The following PROS1 variants were observed in gnomAD, a reference collection of about 807,000 sequenced individuals.
PROS1 encodes the protein protein S, also known as vitamin K-dependent protein S.
A neutral mutation model predicts 75.9 loss-of-function variants in PROS1; 29 were observed. The observed-to-expected ratio is 0.38, with a 90% CI of 0.28 to 0.52. The LOEUF is 0.52. Among genes scored for constraint, PROS1 ranks in the 20% least tolerant of loss-of-function variants. PROS1 has a pLI of 0.83. For missense variants in PROS1, 680 were observed against 810.3 expected, an observed-to-expected ratio of 0.84 and a Z score of 1.95; for synonymous variants, 245 against 280.6, an observed-to-expected ratio of 0.87 and a Z score of 1.27.
intron 6 of PROS1, among the ~76,000 whole-genome samples, chr3:93,901,436 T>A (rs1025134997): frequency 6.6e-6 from 1 of 152,186 alleles, no homozygotes; most frequent in Non-Finnish European, 1.5e-5. Context: ...CAATATGAAT[T>A]TAGTGCTAAA....
rs1389804341 is a variant in PROS1, at chr3:93,927,542, G to C, written c.77-135C>G. The C allele has an allele frequency of 2.8e-6, 3 of 1,083,980 alleles. No individual in the cohort carries two copies. The African/African-American group carries it at 4.8e-5, about 17-fold the overall frequency. 67.1% of individuals were successfully genotyped at this position (1,083,980 alleles called of 1,614,324 possible). On this transcript the variant is annotated intron_variant, in intron 1 of 14. Transcript: ENST00000394236. ...TTTAAAATCAGTATGATCGAACTAAGAAAAAAATGCAGATACAGAAGCACG... is the reference window on the plus strand; with the variant it reads ...TTTAAAATCAGTATGATCGAACTAACAAAAAAATGCAGATACAGAAGCACG...
At chr3:93,973,623 G>A (rs1458168960) in intron 1 of PROS1, 51 bp downstream of exon 1, 1 of 1,583,694 alleles carries the variant, frequency 6.3e-7, no homozygotes, top group Non-Finnish European at 8.7e-7. Flanking sequence ...AGGGCACGCA[G>A]TTCAGTCGAC....
chr3:93,915,716 C>T (rs1018651937), intron 3 of PROS1, among the ~76,000 whole-genome samples: 2 of 152,054 alleles, frequency 1.3e-5, no homozygotes, highest in African/African-American at 4.8e-5. Context: ...ATATTTCTAC[C>T]AACAATCTAA....
chr3:93,954,181 C>G (rs1179284396), intron 1 of PROS1, among the ~76,000 whole-genome samples: 1 of 152,190 alleles, frequency 6.6e-6, no homozygotes, highest in Non-Finnish European at 1.5e-5. Context: ...ATGCCATCCC[C>G]ATCAAGCTAC....
chr3:93,966,365 G>A (rs1194316084), intron 1 of PROS1, among the ~76,000 whole-genome samples: 1 of 152,170 alleles, frequency 6.6e-6, no homozygotes, highest in Non-Finnish European at 1.5e-5. Flanking sequence ...TTGTGTTCCA[G>A]GTGAACATTC....
At chr3:93,968,950 T>C (rs143007153) in intron 1 of PROS1, among the ~76,000 whole-genome samples, 109 of 152,212 alleles carry the variant, frequency 7.2e-4, no homozygotes, top group Admixed American at 2.0e-3. Flanking sequence ...TTCATCTTAT[T>C]GAGCAAACAC....
chr3:93,895,570 AC>A (rs1290894483), intron 9 of PROS1, among the ~76,000 whole-genome samples: 1 of 152,220 alleles, frequency 6.6e-6, no homozygotes, highest in African/African-American at 2.4e-5. Flanking sequence ...TTCTAAACAT[AC>A]ATGCTTATTT....
intron 6 of PROS1, among the ~76,000 whole-genome samples, chr3:93,902,646 G>A (rs980077791): frequency 3.3e-5 from 5 of 151,728 alleles, no homozygotes; most frequent in East Asian, 2.0e-4. Flanking sequence ...CCAGCTACTC[G>A]GGAGGCTGAG....
chr3:93,941,523 A>G (rs774050374), intron 1 of PROS1, among the ~76,000 whole-genome samples: 1 of 152,080 alleles, frequency 6.6e-6, no homozygotes. Context: ...AAACTCACAA[A>G]AGGAAATTTA....
intron 1 of PROS1, among the ~76,000 whole-genome samples, chr3:93,950,463 A>G (rs1709478210): frequency 6.6e-6 from 1 of 152,180 alleles, no homozygotes; most frequent in Non-Finnish European, 1.5e-5. Context: ...TCATACAGCC[A>G]GGTGTCCCTC....
intron 1 of PROS1, among the ~76,000 whole-genome samples, chr3:93,958,036 C>T (rs1171998055): frequency 1.3e-5 from 2 of 151,588 alleles, no homozygotes; most frequent in African/African-American, 4.9e-5. Context: ...TGCAGTGAGC[C>T]GAGATCATGC....
chr3:93,943,522 C>A (rs1709325786), intron 1 of PROS1, among the ~76,000 whole-genome samples: 2 of 152,166 alleles, frequency 1.3e-5, no homozygotes, highest in Non-Finnish European at 1.5e-5. Context: ...TCAGCTAAAT[C>A]TCTCCCACTC....
chr3:93,895,406 C>A (rs559613627), intron 9 of PROS1, among the ~76,000 whole-genome samples: 24 of 152,198 alleles, frequency 1.6e-4, no homozygotes, highest in Middle Eastern at 3.4e-3. Flanking sequence ...AAGGAAAAAA[C>A]CACATATTGG....
At chr3:93,884,548 T>C (rs1184966208) in intron 12 of PROS1, among the ~76,000 whole-genome samples, 180 bp downstream of exon 12, 1 of 152,228 alleles carries the variant, frequency 6.6e-6, no homozygotes, top group East Asian at 1.9e-4. Flanking sequence ...AATGCCTTTA[T>C]ATTTTTCCCA....
chr3:93,884,435 A>G (rs528683534), intron 12 of PROS1, among the ~76,000 whole-genome samples: 23 of 152,368 alleles, frequency 1.5e-4, no homozygotes, highest in African/African-American at 4.8e-4. Flanking sequence ...TAGACTCCAT[A>G]CAAGTGAGAA....
intron 10 of PROS1, among the ~76,000 whole-genome samples, chr3:93,889,834 CAT>C (rs1299405613): frequency 3.3e-5 from 5 of 152,210 alleles, no homozygotes; most frequent in East Asian, 3.9e-4. Context: ...GATTGTAAAA[CAT>C]GTGTGTTTAA....
intron 1 of PROS1, among the ~76,000 whole-genome samples, chr3:93,957,961 G>A (rs888591758): frequency 5.3e-5 from 8 of 152,014 alleles, no homozygotes; most frequent in African/African-American, 1.9e-4. Context: ...AGTGGTGCAT[G>A]CCTGTAGTCC....
At chr3:93,888,312 A>G (rs1279120309) in intron 10 of PROS1, among the ~76,000 whole-genome samples, 1 of 152,206 alleles carries the variant, frequency 6.6e-6, no homozygotes, top group Admixed American at 6.5e-5. Flanking sequence ...CTTCATTTGT[A>G]GCTTTTACTT....
At chr3:93,884,514 G>A (rs1708317959) in intron 12 of PROS1, among the ~76,000 whole-genome samples, 1 of 152,122 alleles carries the variant, frequency 6.6e-6, no homozygotes, top group Non-Finnish European at 1.5e-5. Flanking sequence ...TGATAAACCT[G>A]AAATAACAAC....
Sources: allele counts gnomAD v4.1 joint callset (sites outside exome capture counted in the v4.1 genomes callset), GRCh38; gene constraint gnomAD v4.1.1; transcripts MANE v1.5; gene names NCBI Gene and HGNC (gene_info 2026-07-23, HGNC 2026-07-21).